Variants in ADGRA2 observed in about 807,000 individuals in gnomAD.
ADGRA2 encodes the protein G-protein coupled receptor 124.
Under a neutral mutation model 98.7 loss-of-function variants are expected in ADGRA2, and 61 were observed. That is an observed-to-expected ratio of 0.62 (90% confidence interval 0.50 to 0.76). The LOEUF (loss-of-function observed/expected upper bound fraction) is 0.76. ADGRA2 is among the 30% of genes least tolerant of loss of function. ADGRA2 has a pLI of 0.00. For missense variants in ADGRA2, 1,712 were observed against 1,860.0 expected (o/e 0.92, Z 1.46); for synonymous variants, 858 against 831.5 (o/e 1.03, Z -0.55).
In ADGRA2 at chr8:37,841,149, C is replaced by T. The variant is rs772155010; in HGVS notation, c.2811C>T (p.Leu937=). Reference sequence around the variant, plus strand: ...ACATCCCTGTGGCTTTGATTCTGCTCATCACCTGGATCTATTTCCTGTGCG... The same window carrying T: ...ACATCCCTGTGGCTTTGATTCTGCTTATCACCTGGATCTATTTCCTGTGCG... ...AFYIPVALIL[L]ITWIYFLCAG... Residue 937 remains leucine (L), a synonymous_variant, in exon 19 of 19, where the codon CTC becomes CTT. Transcript: ENST00000412232. The surrounding 1 kb of genome is among the most constrained non-coding windows in gnomAD (Gnocchi z 5.0). 1 of 1,612,298 alleles carries T rather than the reference C, an allele frequency of 6.2e-7. No homozygotes were observed. Among genetic ancestry groups the T allele is most frequent in the South Asian group, 1.1e-5 (1 of 91,050 alleles).
At chr8:37,838,681 C>T (rs1251249052) in intron 14 of ADGRA2, among the ~76,000 whole-genome samples, 2 of 91,132 alleles carry the variant, frequency 2.2e-5, no homozygotes, top group Non-Finnish European at 4.4e-5. Context: ...TCACAGGCAG[C>T]ACCTGCTCCC....
chr8:37,832,550 G>A (rs1805488286), intron 8 of ADGRA2, among the ~76,000 whole-genome samples: 1 of 152,100 alleles, frequency 6.6e-6, no homozygotes, highest in African/African-American at 2.4e-5. Flanking sequence ...TGCCCAGGCT[G>A]GTCTCAAACC....
In ADGRA2 at chr8:37,824,644, G is replaced by A. The variant is rs116639918; in HGVS notation, c.339-4244G>A. On this transcript the variant is annotated intron_variant, in intron 2 of 18. Transcript: ENST00000412232. ...GAATAGCTGAGATTACAAGGCTCCC[G>A]CCACCACACACGGCTAATTTTTTGT... Among the ~76,000 whole-genome samples the A allele has an allele frequency of 8.3e-3, 1,266 of 151,682 alleles. 12 individuals carry two copies. The highest frequency in any genetic ancestry group is 0.029 in the African/African-American group (1,197 of 41,342).
chr8:37,808,117 T>A (rs1466335733), intron 1 of ADGRA2, among the ~76,000 whole-genome samples: 2 of 152,196 alleles, frequency 1.3e-5, no homozygotes, highest in Non-Finnish European at 2.9e-5. Context: ...GAGAGAGTTC[T>A]GGAATGGACT....
At chr8:37,811,559 C>T (rs1585972552) in intron 1 of ADGRA2, among the ~76,000 whole-genome samples, 1 of 149,632 alleles carries the variant, frequency 6.7e-6, no homozygotes, top group Admixed American at 6.7e-5. Context: ...TCACTGGAAC[C>T]TCCGCCTCCC....
Position 37,829,578 on chromosome 8 carries a change from C to T in ADGRA2, c.554+19C>T. On this transcript the variant is annotated intron_variant, in intron 5 of 18. Coordinates refer to ENST00000412232, the MANE Select transcript of ADGRA2 (RefSeq NM_032777.10). ...AGGTTGTGTGAGTATCTCTTCCTAG[C>T]TCAAGGACCCAGACCCCTGTCCCTT... 2 of 1,557,008 alleles carry T rather than the reference C, an allele frequency of 1.3e-6. No individual in the cohort carries two copies. The highest frequency in any genetic ancestry group is 1.8e-6 in the Non-Finnish European group (2 of 1,127,924).
At chr8:37,833,284 G>A in intron 9 of ADGRA2, 76 bp downstream of exon 9, 1 of 1,204,616 alleles carries the variant, frequency 8.3e-7, no homozygotes, top group Admixed American at 2.3e-5. Flanking sequence ...TAACGGGCAA[G>A]GGGAGCCCTA....
chr8:37,828,356 C>T (rs1160979192), intron 2 of ADGRA2, among the ~76,000 whole-genome samples: 1 of 152,170 alleles, frequency 6.6e-6, no homozygotes, highest in Non-Finnish European at 1.5e-5. Flanking sequence ...ATCCAGGACG[C>T]TCTCCATGTT....
At position 37,797,461 on chromosome 8, in the gene ADGRA2, A is replaced by G; in HGVS notation, c.193A>G (p.Arg65Gly). 1 of 1,420,776 alleles carries G rather than the reference A, an allele frequency of 7.0e-7. No homozygotes were observed. Among genetic ancestry groups the G allele is most frequent in the Middle Eastern group, 2.2e-4 (1 of 4,556 alleles). The allele number at this position is 1,420,776 out of a possible 1,614,324, so 88.0% of individuals were successfully genotyped here. Residue 65 changes from arginine to glycine, a missense_variant, in exon 1 of 19, where the codon AGG (arginine) becomes GGG (glycine). Physicochemically the swap from Arg to Gly is moderately radical, Grantham distance 125 (BLOSUM62 -2). Coordinates refer to ENST00000412232, the MANE Select transcript of ADGRA2 (RefSeq NM_032777.10). The surrounding 1 kb of genome is among the most constrained non-coding windows in gnomAD (Gnocchi z 5.3). ...CGGCGTCCCTGGCCCGGCTCGGCGG[A>G]GGGTGGTGTGCAGCGGCGGGGACCT... is the stretch of plus-strand genomic sequence containing the variant. ...SGGVPGPARR[R>G]VVCSGGDLPE...
chr8:37,837,980 A>C, intron 14 of ADGRA2, 41 bp downstream of exon 14: 3 of 1,397,550 alleles, frequency 2.1e-6, no homozygotes, highest in Non-Finnish European at 2.8e-6. Context: ...GGGCAGGGAC[A>C]CGGGCTGGGT....
intron 9 of ADGRA2, among the ~76,000 whole-genome samples, chr8:37,833,435 C>T (rs1805516680): frequency 1.3e-5 from 2 of 152,324 alleles, no homozygotes; most frequent in African/African-American, 4.8e-5. Flanking sequence ...CCCATCTGGC[C>T]ACCTCACGCC....
Position 37,841,668 on chromosome 8 carries a change from C to CGGGGAGGG in ADGRA2, c.3331_3338dup (p.Pro1114GlyfsTer192), listed in dbSNP as rs1482300876. ...CCGCAGAGGACGGTTCCCCGGTGTT[C>CGGGGAGGG]GGGGAGGGCCCCCCCTCCCTCAAGT... On this transcript the variant is annotated frameshift_variant, in exon 19 of 19. Coordinates refer to ENST00000412232, the MANE Select transcript of ADGRA2 (RefSeq NM_032777.10). LOFTEE classifies it low-confidence loss of function (END_TRUNC). This position sits in a 1 kb window ranked among gnomAD's most constrained non-coding sequence, Gnocchi z 5.0. The CGGGGAGGG allele has an allele frequency of 7.2e-6, 11 of 1,527,958 alleles. No homozygotes were observed. The highest frequency in any genetic ancestry group is 9.7e-6 in the Non-Finnish European group (11 of 1,136,994). 94.7% of individuals were successfully genotyped at this position (1,527,958 alleles called of 1,614,324 possible).
Position 37,802,736 on chromosome 8 carries a change from T to C in ADGRA2, c.266+5202T>C, listed in dbSNP as rs117718987. Among the ~76,000 whole-genome samples the C allele has an allele frequency of 2.6e-4, 39 of 152,182 alleles. No individual in the cohort carries two copies. The East Asian group carries it at 7.3e-3, about 29-fold the overall frequency. On this transcript the variant is annotated intron_variant, in intron 1 of 18. Coordinates refer to ENST00000412232, the MANE Select transcript of ADGRA2 (RefSeq NM_032777.10). This position sits in a 1 kb window ranked among gnomAD's most constrained non-coding sequence, Gnocchi z 4.7. ...CCATCCTCTGGGGCCTGGAAGCCCCTCCCCTGAGAGCTCCCTCTGCTGCAG... is the reference window on the plus strand; with the variant it reads ...CCATCCTCTGGGGCCTGGAAGCCCCCCCCCTGAGAGCTCCCTCTGCTGCAG...
In ADGRA2 at chr8:37,841,048, GC is replaced by G. The variant is rs1222584325; in HGVS notation, c.2748-33del. On this transcript the variant is annotated intron_variant, in intron 18 of 18. Transcript: ENST00000412232. This position sits in a 1 kb window ranked among gnomAD's most constrained non-coding sequence, Gnocchi z 5.0. ...CGGCCCCCAGCCCCACCCCAGCCAT[GC>G]CCCCTGTCCTCATCACTGCTTCTGT... The G allele has an allele frequency of 8.1e-7, 1 of 1,233,702 alleles. No homozygotes were observed. Among genetic ancestry groups the G allele is most frequent in the South Asian group, 1.3e-5 (1 of 76,264 alleles). 76.4% of individuals were successfully genotyped at this position (1,233,702 alleles called of 1,614,324 possible). A position where few individuals can be genotyped will look rare whatever the true frequency, so the allele number is the denominator to read the frequency against.
chr8:37,804,609 G>C, intron 1 of ADGRA2, among the ~76,000 whole-genome samples: 1 of 152,238 alleles, frequency 6.6e-6, no homozygotes, highest in Non-Finnish European at 1.5e-5. Flanking sequence ...TAGAGGTTCA[G>C]CAGCCATGAG....
rs1302953571 is a variant in ADGRA2, at chr8:37,843,673, G to A, written c.*1318G>A. On this transcript the variant is annotated 3_prime_UTR_variant, in exon 19 of 19. Transcript: ENST00000412232. ...CAAGGTGACAGAGGACACAGGGGAGGGGGAAAACCCACACACACTCCTTGG... is the reference window on the plus strand; with the variant it reads ...CAAGGTGACAGAGGACACAGGGGAGAGGGAAAACCCACACACACTCCTTGG... 1 of 152,436 alleles carries A rather than the reference G, an allele frequency of 6.6e-6. No individual in the cohort carries two copies. The highest frequency in any genetic ancestry group is 1.5e-5 in the Non-Finnish European group (1 of 68,038). The allele number at this position is 152,436 out of a possible 1,614,324, so 9.4% of individuals were successfully genotyped here. A position where few individuals can be genotyped will look rare whatever the true frequency, so the allele number is the denominator to read the frequency against.
chr8:37,840,871 C>CCCCAA, intron 18 of ADGRA2, 22 bp downstream of exon 18: 1 of 1,320,556 alleles, frequency 7.6e-7, no homozygotes, highest in Non-Finnish European at 1.1e-6. Flanking sequence ...TCCCTCCCGC[C>CCCCAA]CCAAGCCTAC....
chr8:37,836,309 A>G (rs1805614358), intron 13 of ADGRA2, among the ~76,000 whole-genome samples: 1 of 152,202 alleles, frequency 6.6e-6, no homozygotes, highest in African/African-American at 2.4e-5. Context: ...AAGCATCCTG[A>G]AAAGGCAACA....
chr8:37,812,291 C>A (rs1444043415), intron 1 of ADGRA2, among the ~76,000 whole-genome samples: 1 of 152,070 alleles, frequency 6.6e-6, no homozygotes, highest in African/African-American at 2.4e-5. Context: ...ACCTCTGCCC[C>A]ACGCTGGGCA....
Sources: gnomAD v4.1 joint callset for allele counts (sites outside exome capture counted in the v4.1 genomes callset) on GRCh38, gnomAD v4.1.1 for gene constraint, Gnocchi (gnomAD v3.1) non-coding constraint, MANE v1.5 for transcripts, NCBI Gene and HGNC (gene_info 2026-07-23, HGNC 2026-07-21) for gene names.